Variants in SMARCC1 observed in about 807,000 individuals in gnomAD.
The protein encoded by SMARCC1 is SWI/SNF related BAF chromatin remodeling complex subunit C1.
SMARCC1 carries 43 observed loss-of-function variants against 147.4 expected under a neutral mutation model. The observed-to-expected ratio is 0.29, with a 90% confidence interval of 0.23 to 0.38. The LOEUF is 0.38. SMARCC1 is among the 10% of genes least tolerant of loss of function. The probability of loss-of-function intolerance (pLI) is 1.00; values close to 1 mark genes in which losing one functional copy is unlikely to be tolerated. For synonymous variants in SMARCC1, 495 were observed against 484.4 expected (o/e 1.02, Z -0.29); for missense variants, 1,119 against 1,381.1 (o/e 0.81, Z 3.01).
intron 20 of SMARCC1, among the ~76,000 whole-genome samples, 175 bp from the exon 21 acceptor site, chr3:47,661,630 GTAA>G (rs2033348786): frequency 6.6e-6 from 1 of 152,064 alleles, no homozygotes; most frequent in African/African-American, 2.4e-5. Flanking sequence ...ACAAAAAATA[GTAA>G]TAATAATGAA....
intron 11 of SMARCC1, among the ~76,000 whole-genome samples, chr3:47,699,576 A>G (rs2033893618): frequency 6.6e-6 from 1 of 152,018 alleles, no homozygotes; most frequent in South Asian, 2.1e-4. Context: ...ACATATGTAT[A>G]TTGCCCTATA....
chr3:47,612,215 T>C (rs1299660168), intron 25 of SMARCC1, among the ~76,000 whole-genome samples: 6 of 152,166 alleles, frequency 3.9e-5, no homozygotes, highest in Non-Finnish European at 8.8e-5. Flanking sequence ...AAAATGACTG[T>C]AAAAGGTGGG....
chr3:47,612,957 A>T (rs912775871), intron 25 of SMARCC1, among the ~76,000 whole-genome samples: 3 of 152,216 alleles, frequency 2.0e-5, no homozygotes, highest in African/African-American at 7.2e-5. Context: ...CTCGTCATGC[A>T]AATAAAATAA....
At chr3:47,667,042 G>T (rs2106743647) in intron 19 of SMARCC1, among the ~76,000 whole-genome samples, 1 of 152,282 alleles carries the variant, frequency 6.6e-6, no homozygotes, top group East Asian at 1.9e-4. Context: ...CTCGGGCCAG[G>T]CACGGTGGCT....
chr3:47,638,636 C>T (rs1559631839), intron 22 of SMARCC1, 89 bp downstream of exon 22: 2 of 866,994 alleles, frequency 2.3e-6, no homozygotes, highest in Non-Finnish European at 4.0e-6. Flanking sequence ...ATTTAGAGTC[C>T]CCTAAGAGGG....
At chr3:47,716,398 A>G (rs867696164) in intron 7 of SMARCC1, among the ~76,000 whole-genome samples, 40 of 129,854 alleles carry the variant, frequency 3.1e-4, no homozygotes, top group Admixed American at 1.2e-3. Flanking sequence ...AGCCTGGGTG[A>G]GAGTGAGACT....
chr3:47,620,964 T>C (rs1199264311), intron 25 of SMARCC1, among the ~76,000 whole-genome samples: 1 of 152,100 alleles, frequency 6.6e-6, no homozygotes, highest in Non-Finnish European at 1.5e-5. Context: ...ATATAACTAA[T>C]ATTCAACCCA....
intron 2 of SMARCC1, among the ~76,000 whole-genome samples, chr3:47,751,477 G>A (rs1338488666): frequency 1.3e-5 from 2 of 151,740 alleles, no homozygotes; most frequent in African/African-American, 4.8e-5. Context: ...GGAGGCGGAA[G>A]TTGCAGTGAG....
chr3:47,718,052 C>T (rs1039703583), intron 7 of SMARCC1, among the ~76,000 whole-genome samples: 1 of 151,102 alleles, frequency 6.6e-6, no homozygotes, highest in Non-Finnish European at 1.5e-5. Flanking sequence ...TAGTGCCAGC[C>T]CCCAGGGAGG....
chr3:47,780,158 GTTTTTTTTTGT>G (rs1385684716), intron 1 of SMARCC1, among the ~76,000 whole-genome samples: 5 of 51,566 alleles, frequency 9.7e-5, no homozygotes, highest in African/African-American at 2.2e-4. Flanking sequence ...TGGGTCTTTG[GTTTTTTTTTGT>G]TTTTTTTTTT....
At position 47,610,051 on chromosome 3, in the gene SMARCC1, G is replaced by A. The variant is rs1472674244; in HGVS notation, c.3043+15C>T. On this transcript the variant is annotated intron_variant, in intron 26 of 27. Coordinates refer to ENST00000254480, the MANE Select transcript of SMARCC1 (RefSeq NM_003074.4). ...TGACCATAAGCTTTTTCCAAGAGCA[G>A]GGCCTTCCTCTTACCTGGCTGGGGT... 1.9e-6 allele frequency: 3 copies of A among 1,611,120 alleles called. No individual in the cohort carries two copies. In the East Asian group the frequency reaches 6.7e-5, roughly 36 times the overall value.
Position 47,758,722 on chromosome 3 carries a change from AATTT to A in SMARCC1, c.316-12733_316-12730del, listed in dbSNP as rs1186463729. Among the ~76,000 whole-genome samples, 9 of 152,044 alleles carry A rather than the reference AATTT, an allele frequency of 5.9e-5. No individual in the cohort carries two copies. The South Asian group carries it at 1.2e-3, about 21-fold the overall frequency. ...TTACTATCTGTCCCTTTAATTAATTAATTTATTTATTTATTTAGAAACAGGGTGT... is the reference window on the plus strand; with the variant it reads ...TTACTATCTGTCCCTTTAATTAATTAATTTATTTATTTAGAAACAGGGTGT... On this transcript the variant is annotated intron_variant, in intron 2 of 27. Transcript: ENST00000254480.
At chr3:47,749,766 G>GAGAGAGGTGGC (rs2034607927) in intron 2 of SMARCC1, among the ~76,000 whole-genome samples, 1 of 131,834 alleles carries the variant, frequency 7.6e-6, no homozygotes, top group Non-Finnish European at 1.7e-5. Flanking sequence ...GAGAGAGAGA[G>GAGAGAGGTGGC]GTGGCGGGGA....
intron 12 of SMARCC1, among the ~76,000 whole-genome samples, chr3:47,692,928 G>C (rs1374051918): frequency 1.3e-5 from 2 of 152,024 alleles, no homozygotes; most frequent in African/African-American, 2.4e-5. Flanking sequence ...TGAGACAGGA[G>C]AATCACTTAA....
At chr3:47,775,500 G>C (rs1033351209) in intron 1 of SMARCC1, among the ~76,000 whole-genome samples, 3 of 149,464 alleles carry the variant, frequency 2.0e-5, no homozygotes, top group African/African-American at 7.3e-5. Context: ...GCCAGGCGCG[G>C]TGGTGGCTCA....
chr3:47,677,641 T>C (rs977468917), intron 16 of SMARCC1, among the ~76,000 whole-genome samples: 10 of 151,164 alleles, frequency 6.6e-5, no homozygotes, highest in Non-Finnish European at 1.2e-4. Context: ...AATCTCTGTC[T>C]CCTGAGTTCT....
At chr3:47,678,393 A>G in intron 15 of SMARCC1, 82 bp from the exon 16 acceptor site, 4 of 592,624 alleles carry the variant, frequency 6.7e-6, no homozygotes, top group Non-Finnish European at 1.2e-5. Flanking sequence ...AAATCTTCAG[A>G]TTCCTTAAAA....
intron 11 of SMARCC1, among the ~76,000 whole-genome samples, chr3:47,693,725 C>T (rs1005343190): frequency 2.6e-5 from 4 of 152,130 alleles, no homozygotes; most frequent in Non-Finnish European, 5.9e-5. Flanking sequence ...TGCAGTGGTG[C>T]GATCATGGCT....
chr3:47,604,663 G>T, intron 26 of SMARCC1: 2 of 166,716 alleles, frequency 1.2e-5, no homozygotes, highest in Admixed American at 6.2e-5. Flanking sequence ...TTCTGAACTG[G>T]TAACTTTAAA....
Sources: gnomAD v4.1 joint callset for allele counts (sites outside exome capture counted in the v4.1 genomes callset) on GRCh38, gnomAD v4.1.1 for gene constraint, MANE v1.5 for transcripts, NCBI Gene and HGNC (gene_info 2026-07-23, HGNC 2026-07-21) for gene names.